Variants in EML5 observed in about 807,000 individuals in gnomAD.
EML5 encodes echinoderm microtubule-associated protein-like 5.
EML5 carries 120 observed loss-of-function variants against 250.0 expected under a neutral mutation model. That is an observed-to-expected ratio of 0.48 (90% confidence interval 0.41 to 0.56). The LOEUF (loss-of-function observed/expected upper bound fraction) is 0.56. Among genes scored for constraint, EML5 ranks in the 20% least tolerant of loss-of-function variants. EML5 has a pLI of 0.00. For synonymous variants in EML5, 771 were observed against 806.5 expected (o/e 0.96, Z 0.75); for missense variants, 2,006 against 2,437.6 (o/e 0.82, Z 3.73).
At position 88,615,833 on chromosome 14, in the gene EML5, T is replaced by C; in HGVS notation, c.5919A>G (p.Val1973=). The C allele has an allele frequency of 6.2e-7, 1 of 1,612,104 alleles. No individual in the cohort carries two copies. Among genetic ancestry groups the C allele is most frequent in the Non-Finnish European group, 8.5e-7 (1 of 1,179,120 alleles). ...TCAGCATCTCTCAGTGAGGTGTATG[T>C]ACACATTTCCAGACAAATAAGCTGC... The part of the protein sequence containing the change: ...DDCSLFVWKC[V]HTPH The change falls in exon 44 of 44, where the codon GTA becomes GTG. Residue 1973 remains valine (V), a synonymous_variant. Coordinates refer to ENST00000554922, the MANE Select transcript of EML5 (RefSeq NM_183387.3).
chr14:88,658,500 T>C (rs1331941994), intron 25 of EML5, 112 bp from the exon 26 acceptor site: 4 of 834,118 alleles, frequency 4.8e-6, no homozygotes, highest in African/African-American at 3.5e-5. Flanking sequence ...TCAAGTGCAA[T>C]GTGTTAAAAA....
intron 14 of EML5, 51 bp from the exon 15 acceptor site, chr14:88,697,003 A>G (rs2093094827): frequency 2.5e-6 from 3 of 1,176,520 alleles, no homozygotes; most frequent in African/African-American, 1.6e-5. Context: ...ATTTATTTCC[A>G]TATCTACTAA....
Position 88,620,910 on chromosome 14 carries a change from A to C in EML5, c.5219T>G (p.Val1740Gly), listed in dbSNP as rs1595207591. The C allele has an allele frequency of 1.3e-6, 2 of 1,507,322 alleles. No homozygotes were observed. The highest frequency in any genetic ancestry group is 1.8e-6 in the Non-Finnish European group (2 of 1,135,272). 93.4% of individuals were successfully genotyped at this position (1,507,322 alleles called of 1,614,324 possible). A position where few individuals can be genotyped will look rare whatever the true frequency, so the allele number is the denominator to read the frequency against. ...DIADKKMLNKVNLGHAARTVC... is the reference protein window; with the variant it reads ...DIADKKMLNKGNLGHAARTVC... ...AGTACGAGCAGCATGTCCCAAATTC[A>C]CTTTGTTTAACATCTTCTGCATTTA... The change falls in exon 39 of 44, where the codon GTG (valine) becomes GGG (glycine). Residue 1740 changes from valine to glycine, a missense_variant. Physicochemically the swap from Val to Gly is moderately radical, Grantham distance 109. Coordinates refer to ENST00000554922, the MANE Select transcript of EML5 (RefSeq NM_183387.3). This position sits in a 1 kb window ranked among gnomAD's most constrained non-coding sequence, Gnocchi z 4.3.
chr14:88,677,429 C>G (rs2092620282), intron 21 of EML5, among the ~76,000 whole-genome samples: 1 of 152,100 alleles, frequency 6.6e-6, no homozygotes, highest in Non-Finnish European at 1.5e-5. Flanking sequence ...AAAGCAATTG[C>G]AAAAAGGCAA....
chr14:88,732,073 G>A (rs1335760770), intron 7 of EML5, among the ~76,000 whole-genome samples: 1 of 152,100 alleles, frequency 6.6e-6, no homozygotes, highest in East Asian at 1.9e-4. Context: ...AGTTTAATTA[G>A]ATCCCATTTG....
chr14:88,646,631 A>G (rs2091360564), intron 29 of EML5, among the ~76,000 whole-genome samples: 1 of 152,186 alleles, frequency 6.6e-6, no homozygotes, highest in Non-Finnish European at 1.5e-5. Flanking sequence ...TAATTTTTAT[A>G]AAGATCATTT....
intron 17 of EML5, among the ~76,000 whole-genome samples, chr14:88,691,980 T>C (rs2092969179): frequency 6.6e-6 from 1 of 152,224 alleles, no homozygotes; most frequent in Non-Finnish European, 1.5e-5. Context: ...AACAAATTCA[T>C]AGTTCTTTTC....
At chr14:88,630,363 C>G (rs960783655) in intron 33 of EML5, among the ~76,000 whole-genome samples, 3 of 152,088 alleles carry the variant, frequency 2.0e-5, no homozygotes, top group Admixed American at 2.0e-4. Context: ...AAAATTTTAA[C>G]ATGGGTCATT....
chr14:88,729,037 T>C (rs1479891765), intron 7 of EML5, among the ~76,000 whole-genome samples: 1 of 152,188 alleles, frequency 6.6e-6, no homozygotes, highest in African/African-American at 2.4e-5. Context: ...CTAAATTCTC[T>C]TTTCAATTCC....
chr14:88,659,962 T>C (rs1006271328), intron 25 of EML5, among the ~76,000 whole-genome samples: 4 of 152,144 alleles, frequency 2.6e-5, no homozygotes, highest in African/African-American at 9.7e-5. Flanking sequence ...GTATAATATA[T>C]AACTTAATTT....
chr14:88,757,427 T>C (rs1052454239), intron 1 of EML5, among the ~76,000 whole-genome samples: 1 of 151,502 alleles, frequency 6.6e-6, no homozygotes. Context: ...TTCTCAGATA[T>C]AACACAAAGC....
At chr14:88,655,389 T>C (rs1227481770) in intron 27 of EML5, among the ~76,000 whole-genome samples, 2 of 152,172 alleles carry the variant, frequency 1.3e-5, no homozygotes, top group African/African-American at 4.8e-5. Context: ...GGATTCCCTC[T>C]TTAATAAATG....
In EML5 at chr14:88,743,279, T is replaced by C. The variant is rs577355037; in HGVS notation, c.525+744A>G. On this transcript the variant is annotated intron_variant, in intron 4 of 43. Coordinates refer to ENST00000554922, the MANE Select transcript of EML5 (RefSeq NM_183387.3). ...CTAGAAGGAGGATATTGAATGGTCC[T>C]AAAACAAAGAAATAGCAAATGTTTG... Among the ~76,000 whole-genome samples the C allele has an allele frequency of 7.9e-5, 12 of 152,150 alleles. No homozygotes were observed. In the South Asian group the frequency reaches 2.3e-3, roughly 29 times the overall value.
chr14:88,770,604 AGTT>A (rs1394480113), intron 1 of EML5, among the ~76,000 whole-genome samples: 1 of 152,158 alleles, frequency 6.6e-6, no homozygotes, highest in Non-Finnish European at 1.5e-5. Context: ...GCTTTTGGAC[AGTT>A]GGAATCTGAA....
intron 8 of EML5, among the ~76,000 whole-genome samples, chr14:88,718,031 C>T (rs2093528814): frequency 6.6e-6 from 1 of 152,104 alleles, no homozygotes; most frequent in Non-Finnish European, 1.5e-5. Flanking sequence ...GGATGTGGTG[C>T]TGATGGATTA....
chr14:88,724,485 C>A (rs985511074), intron 8 of EML5, among the ~76,000 whole-genome samples: 7 of 151,916 alleles, frequency 4.6e-5, no homozygotes, highest in African/African-American at 1.7e-4. Context: ...GATTCAGGTG[C>A]TAAAATACAG....
At chr14:88,714,364 A>T (rs895769776) in intron 9 of EML5, among the ~76,000 whole-genome samples, 2 of 152,184 alleles carry the variant, frequency 1.3e-5, no homozygotes, top group African/African-American at 4.8e-5. Context: ...TTATAGTAGT[A>T]GTTGCCAGGG....
At chr14:88,731,725 C>CA (rs1316548306) in intron 7 of EML5, among the ~76,000 whole-genome samples, 2 of 152,200 alleles carry the variant, frequency 1.3e-5, no homozygotes, top group East Asian at 1.9e-4. Flanking sequence ...TCCTCTCCAG[C>CA]ACCTGTTGTT....
chr14:88,622,822 GC>G (rs1242230169), intron 36 of EML5, 104 bp from the exon 37 acceptor site: 1 of 634,072 alleles, frequency 1.6e-6, no homozygotes, highest in East Asian at 3.3e-5. Flanking sequence ...TTTTAAAAAG[GC>G]CCTGATATTT....
Sources: gnomAD v4.1 joint callset for allele counts (sites outside exome capture counted in the v4.1 genomes callset) on GRCh38, gnomAD v4.1.1 for gene constraint, Gnocchi (gnomAD v3.1) non-coding constraint, MANE v1.5 for transcripts, NCBI Gene and HGNC (gene_info 2026-07-23, HGNC 2026-07-21) for gene names.